The following ITGAV variants were observed in gnomAD, a reference collection of about 807,000 sequenced individuals.
The protein encoded by ITGAV is integrin subunit alpha V.
In ITGAV, 76 loss-of-function variants were observed where a neutral mutation model predicts 143.8. The ratio of observed to expected loss-of-function variants is 0.53; its 90% CI spans 0.44 to 0.64. The LOEUF (loss-of-function observed/expected upper bound fraction) is 0.64, where lower values mean the gene tolerates loss of function less well. Among genes scored for constraint, ITGAV ranks in the 30% least tolerant of loss-of-function variants. The probability of loss-of-function intolerance (pLI) is 0.00; values close to 1 mark genes in which losing one functional copy is unlikely to be tolerated. For missense variants in ITGAV, 1,193 were observed against 1,274.7 expected (o/e 0.94, Z 0.98); for synonymous variants, 453 against 446.7 (o/e 1.01, Z -0.18).
At chr2:186,594,329 A>G (rs1182553896) in intron 1 of ITGAV, among the ~76,000 whole-genome samples, 1 of 151,996 alleles carries the variant, frequency 6.6e-6, no homozygotes, top group Non-Finnish European at 1.5e-5. Context: ...AAATACTTTC[A>G]TATTCCTCCC....
At chr2:186,661,244 G>T (rs1477982335) in intron 18 of ITGAV, among the ~76,000 whole-genome samples, 2 of 151,714 alleles carry the variant, frequency 1.3e-5, no homozygotes, top group Non-Finnish European at 2.9e-5. Context: ...AATTTTTTTT[G>T]TATTTAGAAT....
intron 4 of ITGAV, among the ~76,000 whole-genome samples, chr2:186,627,177 A>T (rs1369213717): frequency 6.6e-6 from 1 of 152,152 alleles, no homozygotes; most frequent in Non-Finnish European, 1.5e-5. Flanking sequence ...AGCAGGAGTA[A>T]GCAAAAGGAG....
Position 186,653,121 on chromosome 2 carries a change from A to G in ITGAV, c.1505+1032A>G, listed in dbSNP as rs183283956. ...CCAACACGCCCGGCTAATTTTTTGT[A>G]TTTTTAGTAGAGACGGGGTTTCACC... On this transcript the variant is annotated intron_variant, in intron 15 of 29. Coordinates refer to ENST00000261023, the MANE Select transcript of ITGAV (RefSeq NM_002210.5). Among the ~76,000 whole-genome samples the G allele has an allele frequency of 5.0e-3, 765 of 151,556 alleles. 3 individuals are homozygous for G. Among genetic ancestry groups the G allele is most frequent in the Non-Finnish European group, 6.4e-3 (432 of 67,832 alleles).
rs534475928 is a variant in ITGAV at position 186,653,200 on chromosome 2, C to T, written c.1505+1111C>T. 2.6e-5 allele frequency among the ~76,000 whole-genome samples: 4 copies of T among 152,194 alleles called. No individual in the cohort carries two copies. The East Asian group carries it at 7.7e-4, about 29-fold the overall frequency. On this transcript the variant is annotated intron_variant, in intron 15 of 29. Transcript: ENST00000261023. ...GACCTCATGATCCACCCGCCTCGGCCTCCCAAAGTGCTCATTATAGATATT... is the reference window on the plus strand; with the variant it reads ...GACCTCATGATCCACCCGCCTCGGCTTCCCAAAGTGCTCATTATAGATATT...
chr2:186,621,588 A>G (rs1055762168), intron 2 of ITGAV, among the ~76,000 whole-genome samples: 50 of 152,274 alleles, frequency 3.3e-4, no homozygotes, highest in Non-Finnish European at 5.9e-4. Context: ...TTCGGTCGAC[A>G]TGTCTTAGTG....
At position 186,633,345 on chromosome 2, in the gene ITGAV, TTGG is replaced by T; in HGVS notation, c.607_609del (p.Gly203del). The T allele has an allele frequency of 1.9e-6, 3 of 1,590,374 alleles. No homozygotes were observed. The highest frequency in any genetic ancestry group is 2.6e-6 in the Non-Finnish European group (3 of 1,163,058). On this transcript the variant is annotated inframe_deletion, in exon 6 of 30. Transcript: ENST00000261023. Reference sequence around the variant, plus strand: ...TTCATCTAGGCTGACAGAGTACTTCTTGGTGGTCCTGGTAGCTTTTATTGGCAA... The same window carrying T: ...TTCATCTAGGCTGACAGAGTACTTCTTGGTCCTGGTAGCTTTTATTGGCAA...
chr2:186,670,095 A>G (rs1689022946), intron 26 of ITGAV: 1 of 375,272 alleles, frequency 2.7e-6, no homozygotes, highest in African/African-American at 2.1e-5. Flanking sequence ...CCTCCTCCTA[A>G]TCTCTGAGGC....
Position 186,637,195 on chromosome 2 carries a change from T to A in ITGAV, c.802+86T>A. 2.6e-6 allele frequency: 3 copies of A among 1,150,362 alleles called. No homozygotes were observed. In the South Asian group the frequency reaches 3.7e-5, roughly 14 times the overall value. 71.3% of individuals were successfully genotyped at this position (1,150,362 alleles called of 1,614,324 possible). On this transcript the variant is annotated intron_variant, in intron 8 of 29. Transcript: ENST00000261023. ...GTGGCATTGAAAATTTTAAGCAGTT[T>A]GAGTGGCTGGGTGCTGTGGCTGCAG...
At chr2:186,663,725 C>T in intron 18 of ITGAV, 43 bp from the exon 19 acceptor site, 1 of 1,373,512 alleles carries the variant, frequency 7.3e-7, no homozygotes, top group Non-Finnish European at 1.0e-6. Flanking sequence ...ATGCCACCTG[C>T]ATTGGTATTT....
intron 1 of ITGAV, chr2:186,600,127 T>G: frequency 2.0e-6 from 1 of 511,478 alleles, no homozygotes; most frequent in Non-Finnish European, 3.5e-6. Flanking sequence ...AAAGGCCCTA[T>G]TTGACTTAGT....
At chr2:186,611,005 A>G (rs1478328178) in intron 2 of ITGAV, among the ~76,000 whole-genome samples, 4 of 152,174 alleles carry the variant, frequency 2.6e-5, no homozygotes, top group African/African-American at 9.7e-5. Flanking sequence ...CAGATGTCCA[A>G]AATGGATTCA....
intron 2 of ITGAV, among the ~76,000 whole-genome samples, chr2:186,620,366 T>C (rs751023861): frequency 6.6e-6 from 1 of 152,156 alleles, no homozygotes; most frequent in Non-Finnish European, 1.5e-5. Flanking sequence ...GGGAATAAAG[T>C]TTCCGGGCAA....
chr2:186,609,397 A>G (rs1438567504), intron 2 of ITGAV, among the ~76,000 whole-genome samples: 1 of 152,128 alleles, frequency 6.6e-6, no homozygotes, highest in Non-Finnish European at 1.5e-5. Flanking sequence ...AAGGTATCAT[A>G]ACACAACTTT....
chr2:186,590,444 G>C lies in ITGAV; in HGVS notation c.106G>C (p.Asp36His). ...PLCRAFNLDV[D>H]SPAEYSGPEG... Reference sequence around the variant, plus strand: ...GTGCCGCGCCTTCAACCTAGACGTGGACAGTCCTGCCGAGTACTCTGGCCC... The same window carrying C: ...GTGCCGCGCCTTCAACCTAGACGTGCACAGTCCTGCCGAGTACTCTGGCCC... Residue 36 changes from aspartate (D) to histidine (H), a missense_variant, in exon 1 of 30, where the codon GAC (aspartate) becomes CAC (histidine). By Grantham distance (81) the Asp-to-His change is moderately conservative. Coordinates refer to ENST00000261023, the MANE Select transcript of ITGAV (RefSeq NM_002210.5). 6.2e-7 allele frequency: 1 copy of C among 1,613,150 alleles called. No homozygotes were observed. Among genetic ancestry groups the C allele is most frequent in the African/African-American group, 1.3e-5 (1 of 75,016 alleles).
chr2:186,669,975 T>C, intron 26 of ITGAV, 161 bp downstream of exon 26: 2 of 595,508 alleles, frequency 3.4e-6, no homozygotes, highest in Non-Finnish European at 5.9e-6. Context: ...CTAGTCAGAT[T>C]AATGCCATAT....
rs144978798 is a variant in ITGAV, at chr2:186,621,404, CATT to C, written c.317-929_317-927del. Among the ~76,000 whole-genome samples, 1,281 of 152,152 alleles carry C rather than the reference CATT, an allele frequency of 8.4e-3. 18 individuals carry two copies. Among genetic ancestry groups the C allele is most frequent in the African/African-American group, 0.03 (1,228 of 41,512 alleles). The stretch of plus-strand genomic sequence containing the variant: ...TAGTCATCACATGTTAGAAATGAAT[CATT>C]ATTATGAAGAATATTAACAGTAACA... On this transcript the variant is annotated intron_variant, in intron 2 of 29. Transcript: ENST00000261023.
chr2:186,651,981 G>A lies in ITGAV; in HGVS notation c.1398-1G>A. The stretch of plus-strand genomic sequence containing the variant: ...TCATCTTCTTTTCCCTCCCCCGCTA[G>A]GGCCAGACCAGTTATCACTGTAAAT... On this transcript the variant is annotated splice_acceptor_variant, in intron 14 of 29. Coordinates refer to ENST00000261023, the MANE Select transcript of ITGAV (RefSeq NM_002210.5). LOFTEE classifies it high-confidence loss of function. 1.3e-6 allele frequency: 2 copies of A among 1,580,236 alleles called. No individual in the cohort carries two copies. The highest frequency in any genetic ancestry group is 1.7e-6 in the Non-Finnish European group (2 of 1,159,486).
intron 19 of ITGAV, 25 bp from the exon 20 acceptor site, chr2:186,664,469 C>A: frequency 6.2e-7 from 1 of 1,604,232 alleles, no homozygotes; most frequent in South Asian, 1.1e-5. Context: ...TTTTCTCAGT[C>A]TGGATTTGTA....
intron 10 of ITGAV, among the ~76,000 whole-genome samples, chr2:186,640,367 A>G (rs1488391598): frequency 1.3e-5 from 2 of 152,230 alleles, no homozygotes; most frequent in Non-Finnish European, 2.9e-5. Context: ...GAGATATGAC[A>G]CAAAAATGAG....
Sources: gnomAD v4.1 joint callset for allele counts (sites outside exome capture counted in the v4.1 genomes callset) on GRCh38, gnomAD v4.1.1 for gene constraint, MANE v1.5 for transcripts, NCBI Gene and HGNC (gene_info 2026-07-23, HGNC 2026-07-21) for gene names.